BUB1: variants seen among roughly 807,000 people sequenced by gnomAD.
BUB1 encodes mitotic checkpoint serine/threonine-protein kinase BUB1.
In BUB1, 84 loss-of-function variants were observed where a neutral mutation model predicts 135.2. The ratio of observed to expected loss-of-function variants is 0.62; its 90% CI spans 0.52 to 0.74. The LOEUF is 0.74. Ranked by LOEUF, BUB1 falls within the 30% of genes least tolerant of loss-of-function variation. The probability of loss-of-function intolerance (pLI) is 0.00; values close to 1 mark genes in which losing one functional copy is unlikely to be tolerated. For missense variants in BUB1, 1,162 were observed against 1,288.3 expected (o/e 0.90, Z 1.50); for synonymous variants, 403 against 434.4 (o/e 0.93, Z 0.90).
intron 10 of BUB1, among the ~76,000 whole-genome samples, 191 bp from the exon 11 acceptor site, chr2:110,660,227 T>C (rs1008345323): frequency 2.6e-5 from 4 of 151,976 alleles, no homozygotes; most frequent in Non-Finnish European, 5.9e-5. Flanking sequence ...CAAAAAAACA[T>C]TAGCGGGGTG....
chr2:110,657,078 G>A lies in BUB1; in HGVS notation c.1656C>T (p.Thr552=). The change falls in exon 15 of 25, where the codon ACC becomes ACT. Residue 552 remains threonine, a synonymous_variant. Transcript: ENST00000302759. ...GTCTGCTGACAGAGCGTTCTCCAAA[G>A]GTCCTGGCTCCTGTGGGTTTATTTT... ...QPKNKPTGAR[T]FGERSVSRLP... The A allele has an allele frequency of 6.2e-7, 1 of 1,613,306 alleles. No homozygotes were observed. Among genetic ancestry groups the A allele is most frequent in the Non-Finnish European group, 8.5e-7 (1 of 1,179,594 alleles).
In BUB1 at chr2:110,667,797, A is replaced by G; in HGVS notation, c.620T>C (p.Met207Thr). ...ISSACDKESN[M>T]ERRVITISKS... is the part of the protein sequence containing the mutation. ...AGATTAATGCACTGATTATACTTGC[A>G]TATTTGACTCTTTATCACAAGCTGA... Residue 207 changes from methionine to threonine, a missense_variant and splice_region_variant, in exon 7 of 25, where the codon ATG becomes ACG. By Grantham distance (81) the Met-to-Thr change is moderately conservative (BLOSUM62 -1). Coordinates refer to ENST00000302759, the MANE Select transcript of BUB1 (RefSeq NM_004336.5). 6.2e-7 allele frequency: 1 copy of G among 1,613,346 alleles called. No individual in the cohort carries two copies. Among genetic ancestry groups the G allele is most frequent in the East Asian group, 2.2e-5 (1 of 44,832 alleles).
chr2:110,661,829 G>C lies in BUB1; in HGVS notation c.970C>G (p.Arg324Gly). ...SQERSEVNPA[R>G]MGPSVGSQQE... ...TGGGAGCCTACACTTGGCCCCATAC[G>C]TGCTGGATTAACCTTTCATATTAAA... is the stretch of plus-strand genomic sequence containing the variant. Residue 324 changes from arginine (R) to glycine (G), a missense_variant, in exon 10 of 25, where the codon CGT becomes GGT. By Grantham distance (125) the Arg-to-Gly change is moderately radical (BLOSUM62 -2). Coordinates refer to ENST00000302759, the MANE Select transcript of BUB1 (RefSeq NM_004336.5). The C allele has an allele frequency of 6.2e-7, 1 of 1,614,012 alleles. No individual in the cohort carries two copies. The highest frequency in any genetic ancestry group is 8.5e-7 in the Non-Finnish European group (1 of 1,179,982).
At chr2:110,671,524 A>G (rs1461330263) in intron 4 of BUB1, among the ~76,000 whole-genome samples, 1 of 152,222 alleles carries the variant, frequency 6.6e-6, no homozygotes, top group Non-Finnish European at 1.5e-5. Flanking sequence ...AAAGGCTGGC[A>G]AGGGGTGCAG....
rs572087618 is a variant in BUB1, at chr2:110,643,898, C to T, written c.2348-1664G>A. ...TGCAAGAAGAAATGGGTAATACAGGCAGAGAGAAACTGAGAAGCAAAAAAA... is the reference window on the plus strand; with the variant it reads ...TGCAAGAAGAAATGGGTAATACAGGTAGAGAGAAACTGAGAAGCAAAAAAA... On this transcript the variant is annotated intron_variant, in intron 19 of 24. Transcript: ENST00000302759. Among the ~76,000 whole-genome samples, 15 of 151,094 alleles carry T rather than the reference C, an allele frequency of 9.9e-5. No individual in the cohort carries two copies. The South Asian group carries it at 2.7e-3, about 27-fold the overall frequency.
chr2:110,672,930 GC>G (rs1690463053), intron 3 of BUB1, 73 bp from the exon 4 acceptor site: 10 of 1,420,084 alleles, frequency 7.0e-6, no homozygotes, highest in Non-Finnish European at 6.5e-6. Context: ...GAGTTAGCCA[GC>G]TAAGCTGGGA....
intron 8 of BUB1, 106 bp downstream of exon 8, chr2:110,667,415 T>C: frequency 8.5e-7 from 1 of 1,175,888 alleles, no homozygotes; most frequent in Non-Finnish European, 1.2e-6. Context: ...AAGACTTTCT[T>C]GCAGTCTTTC....
At chr2:110,653,715 C>T (rs1454378675) in intron 16 of BUB1, among the ~76,000 whole-genome samples, 192 bp from the exon 17 acceptor site, 5 of 152,100 alleles carry the variant, frequency 3.3e-5, no homozygotes, top group African/African-American at 7.2e-5. Flanking sequence ...TTAAAAAAAT[C>T]CACTACTGGC....
At chr2:110,670,949 A>G (rs1256647026) in intron 4 of BUB1, among the ~76,000 whole-genome samples, 1 of 152,236 alleles carries the variant, frequency 6.6e-6, no homozygotes, top group Non-Finnish European at 1.5e-5. Flanking sequence ...GAAAGAAGTG[A>G]AAGTACAAAA....
chr2:110,661,802 GC>G lies in BUB1; in HGVS notation c.996del (p.Gln332HisfsTer4). 1 of 1,614,186 alleles carries G rather than the reference GC, an allele frequency of 6.2e-7. No homozygotes were observed. On this transcript the variant is annotated frameshift_variant, in exon 10 of 25. Transcript: ENST00000302759. LOFTEE classifies it high-confidence loss of function. ...PARMGPSVGS[Q>X]QELRAPCLPV... Reference sequence around the variant, plus strand: ...GGAAGACATGGCGCTCTCAGTTCCTGCTGGGAGCCTACACTTGGCCCCATAC... The same window carrying G: ...GGAAGACATGGCGCTCTCAGTTCCTGTGGGAGCCTACACTTGGCCCCATAC...
At chr2:110,644,552 C>T (rs1371881404) in intron 19 of BUB1, among the ~76,000 whole-genome samples, 2 of 144,242 alleles carry the variant, frequency 1.4e-5, no homozygotes, top group Admixed American at 1.4e-4. Flanking sequence ...CACCAAACCA[C>T]AGATCCAGGA....
chr2:110,654,939 C>T (rs201831055), intron 16 of BUB1, among the ~76,000 whole-genome samples: 1 of 152,140 alleles, frequency 6.6e-6, no homozygotes, highest in East Asian at 1.9e-4. Flanking sequence ...TTCACAGGTT[C>T]CATATCCACA....
At position 110,641,039 on chromosome 2, in the gene BUB1, A is replaced by G; in HGVS notation, c.2950T>C (p.Tyr984His). The part of the protein sequence containing the change: ...VEMLSNKPWN[Y>H]QIDYFGVAAT... ...CCCTCACTTTAGTTTTATACCTGGT[A>G]GTTCCATGGTTTGTTGCTGAGCATC... Residue 984 changes from tyrosine to histidine, a missense_variant, in exon 23 of 25, where the codon TAC becomes CAC. Coordinates refer to ENST00000302759, the MANE Select transcript of BUB1 (RefSeq NM_004336.5). 1 of 1,569,730 alleles carries G rather than the reference A, an allele frequency of 6.4e-7. No individual in the cohort carries two copies. The highest frequency in any genetic ancestry group is 8.6e-7 in the Non-Finnish European group (1 of 1,160,834).
Position 110,655,774 on chromosome 2 carries a change from A to T in BUB1, c.1841T>A (p.Leu614His). The change falls in exon 16 of 25, where the codon CTT (leucine) becomes CAT (histidine). Residue 614 changes from leucine (L) to histidine (H), a missense_variant. Physicochemically the swap from Leu to His is moderately conservative, Grantham distance 99 (BLOSUM62 -3). Transcript: ENST00000302759. ...AQLASTPFHKLPVESVHILED... is the reference protein window; with the variant it reads ...AQLASTPFHKHPVESVHILED... ...TAAAATGTGCACTGACTCCACTGGA[A>T]GCTTGTGGAATGGTGTAGACGCAAG... 6.2e-7 allele frequency: 1 copy of T among 1,613,916 alleles called. No individual in the cohort carries two copies. The highest frequency in any genetic ancestry group is 8.5e-7 in the Non-Finnish European group (1 of 1,179,852).
intron 9 of BUB1, chr2:110,666,045 C>A: frequency 2.5e-6 from 1 of 398,696 alleles, no homozygotes; most frequent in African/African-American, 2.1e-5. Context: ...TAGACATGTA[C>A]ACATACACAA....
At chr2:110,665,329 A>C (rs1690215525) in intron 9 of BUB1, among the ~76,000 whole-genome samples, 1 of 152,054 alleles carries the variant, frequency 6.6e-6, no homozygotes, top group Non-Finnish European at 1.5e-5. Flanking sequence ...TGTAATCACA[A>C]CACTTTGGGA....
chr2:110,657,664 T>C lies in BUB1; in HGVS notation c.1517-19A>G. 6.6e-7 allele frequency: 1 copy of C among 1,517,584 alleles called. No homozygotes were observed. The allele number at this position is 1,517,584 out of a possible 1,614,324, so 94.0% of individuals were successfully genotyped here. The stretch of plus-strand genomic sequence containing the variant: ...ACATTTTCTGCAACAGAATAAAAAA[T>C]AGCATCTAATTATTGTACTAGGAAA... On this transcript the variant is annotated intron_variant, in intron 13 of 24. Coordinates refer to ENST00000302759, the MANE Select transcript of BUB1 (RefSeq NM_004336.5).
rs773144988 is a variant in BUB1 at position 110,650,629 on chromosome 2, AT to A, written c.2119del (p.Ile707LeufsTer19). 6.2e-7 allele frequency: 1 copy of A among 1,613,960 alleles called. No individual in the cohort carries two copies. Among genetic ancestry groups the A allele is most frequent in the Non-Finnish European group, 8.5e-7 (1 of 1,179,964 alleles). ...ACRLTDTDAA[I>X]AEDPPDAIAG... ...AATAGCATCTGGTGGATCTTCTGCA[AT>A]GGCAGCGTCAGTGTCTGTGAGTCTG... On this transcript the variant is annotated frameshift_variant, in exon 18 of 25. Transcript: ENST00000302759. LOFTEE classifies it high-confidence loss of function.
chr2:110,661,897 C>T (rs1690111633), intron 9 of BUB1, 56 bp from the exon 10 acceptor site: 1 of 1,575,946 alleles, frequency 6.3e-7, no homozygotes. Context: ...CAGAATACTA[C>T]TAATCAGGCA....
Sources: gnomAD v4.1 joint callset for allele counts (sites outside exome capture counted in the v4.1 genomes callset) on GRCh38, gnomAD v4.1.1 for gene constraint, MANE v1.5 for transcripts, NCBI Gene and HGNC (gene_info 2026-07-23, HGNC 2026-07-21) for gene names.